Variants in ELP3 observed in about 807,000 individuals in gnomAD.
ELP3 encodes the protein elongator acetyltransferase complex subunit 3.
ELP3 carries 56 observed loss-of-function variants against 74.9 expected under a neutral mutation model. The ratio of observed to expected loss-of-function variants is 0.75; its 90% CI spans 0.60 to 0.93. The LOEUF (loss-of-function observed/expected upper bound fraction) is 0.93. ELP3 is among the 40% of genes least tolerant of loss of function. ELP3 has a pLI of 0.00. For missense variants in ELP3, 573 were observed against 686.5 expected (o/e 0.83, Z 1.85); for synonymous variants, 222 against 239.8 (o/e 0.93, Z 0.68).
intron 14 of ELP3, among the ~76,000 whole-genome samples, chr8:28,180,510 G>A (rs2130607003): frequency 6.6e-6 from 1 of 152,308 alleles, no homozygotes; most frequent in Middle Eastern, 3.4e-3. Context: ...ATTGAACATA[G>A]TAAGCATACC....
At chr8:28,184,831 T>C (rs920598495) in intron 14 of ELP3, among the ~76,000 whole-genome samples, 5 of 152,008 alleles carry the variant, frequency 3.3e-5, no homozygotes, top group South Asian at 2.1e-4. Flanking sequence ...CAAAAGGAAA[T>C]GTTAGAGATG....
intron 9 of ELP3, among the ~76,000 whole-genome samples, chr8:28,133,704 A>G (rs542109971): frequency 2.0e-5 from 3 of 152,320 alleles, no homozygotes; most frequent in East Asian, 1.9e-4. Context: ...GCAGTTTACC[A>G]TGTCTTATTT....
chr8:28,099,127 T>C, intron 2 of ELP3, among the ~76,000 whole-genome samples: 1 of 152,266 alleles, frequency 6.6e-6, no homozygotes, highest in East Asian at 1.9e-4. Context: ...ACTTCACAGA[T>C]ATTTCTAGAT....
At position 28,147,014 on chromosome 8, in the gene ELP3, A is replaced by G. The variant is rs4377920; in HGVS notation, c.1101-8928A>G. ...CCCATGCAGTCTCATAGGGTCTTGCACTTGGCTTAATATTCTGCTGTCACC... is the reference window on the plus strand; with the variant it reads ...CCCATGCAGTCTCATAGGGTCTTGCGCTTGGCTTAATATTCTGCTGTCACC... On this transcript the variant is annotated intron_variant, in intron 10 of 14. Transcript: ENST00000256398. This position sits in a 1 kb window ranked among gnomAD's most constrained non-coding sequence, Gnocchi z 4.5. Among the ~76,000 whole-genome samples the G allele has an allele frequency of 0.54, 82,597 of 151,916 alleles. 23,107 individuals are homozygous for G. Among genetic ancestry groups the G allele is most frequent in the East Asian group, 0.91 (4,709 of 5,170 alleles).
intron 10 of ELP3, among the ~76,000 whole-genome samples, chr8:28,141,482 A>G (rs748679998): frequency 6.6e-6 from 1 of 152,198 alleles, no homozygotes; most frequent in Non-Finnish European, 1.5e-5. Flanking sequence ...TTTGGCTGTA[A>G]AGGACTTTAA....
chr8:28,115,555 T>C (rs1374265040), intron 7 of ELP3, among the ~76,000 whole-genome samples: 1 of 152,142 alleles, frequency 6.6e-6, no homozygotes, highest in Non-Finnish European at 1.5e-5. Context: ...GGTGTTGTCA[T>C]GGGTGTTTAA....
intron 7 of ELP3, among the ~76,000 whole-genome samples, chr8:28,116,485 A>C (rs1812141224): frequency 6.6e-6 from 1 of 152,224 alleles, no homozygotes; most frequent in South Asian, 2.1e-4. Flanking sequence ...CACGCCTGTA[A>C]TCCCAGCCCT....
intron 7 of ELP3, among the ~76,000 whole-genome samples, chr8:28,118,341 T>C (rs541422642): frequency 7.9e-5 from 12 of 152,154 alleles, no homozygotes; most frequent in African/African-American, 2.9e-4. Flanking sequence ...AGAATAGGAG[T>C]TAAGGTAAAG....
rs199903018 is a variant in ELP3, at chr8:28,155,952, A to G, written c.1111A>G (p.Met371Val). Residue 371 changes from methionine (M) to valine (V), a missense_variant, in exon 11 of 15, where the codon ATG (methionine) becomes GTG (valine). Transcript: ENST00000256398. ...RVYRVQRDIPMPLVSSGVEHG... is the reference protein window; with the variant it reads ...RVYRVQRDIPVPLVSSGVEHG... ...TTCTCCTGTGTACAGGGATATTCCA[A>G]TGCCTTTAGTTAGCTCAGGAGTAGA... The G allele has an allele frequency of 3.0e-5, 48 of 1,613,558 alleles. No homozygotes were observed. The highest frequency in any genetic ancestry group is 1.6e-4 in the Middle Eastern group (1 of 6,082).
At chr8:28,141,134 C>A (rs1813221167) in intron 10 of ELP3, among the ~76,000 whole-genome samples, 2 of 152,100 alleles carry the variant, frequency 1.3e-5, no homozygotes, top group African/African-American at 4.8e-5. Context: ...AGAGTATCTC[C>A]CCCACCATAC....
At chr8:28,124,702 GA>G (rs528903354) in intron 7 of ELP3, among the ~76,000 whole-genome samples, 27 of 152,158 alleles carry the variant, frequency 1.8e-4, no homozygotes, top group African/African-American at 5.8e-4. Flanking sequence ...TGTCAGCCAT[GA>G]AAAAAATCAA....
chr8:28,107,892 G>T, intron 4 of ELP3, 21 bp from the exon 5 acceptor site: 1 of 1,610,976 alleles, frequency 6.2e-7, no homozygotes, highest in South Asian at 1.1e-5. Flanking sequence ...TGACATTCTT[G>T]TTCTTTTGTT....
At chr8:28,175,452 C>G (rs982491479) in intron 14 of ELP3, among the ~76,000 whole-genome samples, 5 of 152,212 alleles carry the variant, frequency 3.3e-5, no homozygotes, top group Admixed American at 2.6e-4. Flanking sequence ...TCATACATCT[C>G]TGTGCCAGAA....
chr8:28,090,431 C>T (rs866523098), upstream of ELP3: 68 of 297,092 alleles, frequency 2.3e-4, no homozygotes, highest in Middle Eastern at 1.2e-3. Flanking sequence ...GTCTGGAACC[C>T]AGGCTGTTGC....
chr8:28,109,853 C>G (rs1811843810), intron 5 of ELP3, among the ~76,000 whole-genome samples: 1 of 152,152 alleles, frequency 6.6e-6, no homozygotes, highest in Non-Finnish European at 1.5e-5. Context: ...TGGACGTATT[C>G]TTTATTTGAC....
At chr8:28,101,694 A>C (rs1246387891) in intron 3 of ELP3, among the ~76,000 whole-genome samples, 1 of 151,576 alleles carries the variant, frequency 6.6e-6, no homozygotes, top group African/African-American at 2.4e-5. Flanking sequence ...GGTTCAAGCG[A>C]TTCTTGTGCC....
intron 5 of ELP3, among the ~76,000 whole-genome samples, chr8:28,109,626 GA>G (rs1372805857): frequency 1.3e-5 from 2 of 152,156 alleles, no homozygotes; most frequent in Admixed American, 1.3e-4. Flanking sequence ...CTTGAGAGTG[GA>G]ACCCGAATCT....
rs1814329462 is a variant in ELP3 at position 28,166,935 on chromosome 8, T to C, written c.1567+4857T>C. On this transcript the variant is annotated intron_variant, in intron 14 of 14. Transcript: ENST00000256398. ...CCCCAAGCTCGTCTGACTACCTTCA[T>C]CATAAGCAGTATTCTATTTGTGTCC... 2.0e-5 allele frequency among the ~76,000 whole-genome samples: 3 copies of C among 152,304 alleles called. No individual in the cohort carries two copies. The East Asian group carries it at 5.8e-4, about 29-fold the overall frequency.
chr8:28,182,795 C>G (rs539395446), intron 14 of ELP3, among the ~76,000 whole-genome samples: 1 of 152,188 alleles, frequency 6.6e-6, no homozygotes, highest in Non-Finnish European at 1.5e-5. Flanking sequence ...CCACGTGGTG[C>G]GTATCTTTTG....
Sources: allele counts gnomAD v4.1 joint callset (sites outside exome capture counted in the v4.1 genomes callset), GRCh38; gene constraint gnomAD v4.1.1; non-coding constraint Gnocchi (gnomAD v3.1); transcripts MANE v1.5; gene names NCBI Gene and HGNC (gene_info 2026-07-23, HGNC 2026-07-21).